SPIRE1: variants seen among roughly 807,000 people sequenced by gnomAD.
SPIRE1 encodes the protein protein spire homolog 1.
In SPIRE1, 40 loss-of-function variants were observed where a neutral mutation model predicts 94.1. The observed-to-expected ratio is 0.43, with a 90% CI of 0.33 to 0.55. The LOEUF (loss-of-function observed/expected upper bound fraction) is 0.55. Ranked by LOEUF, SPIRE1 falls within the 20% of genes least tolerant of loss-of-function variation. The pLI is 0.06. For synonymous variants in SPIRE1, 376 were observed against 371.7 expected, an observed-to-expected ratio of 1.01 and a Z score of -0.13; for missense variants, 838 against 975.2, an observed-to-expected ratio of 0.86 and a Z score of 1.87.
At chr18:12,459,976 G>A in intron 12 of SPIRE1, 1 of 922,870 alleles carries the variant, frequency 1.1e-6, no homozygotes, top group Non-Finnish European at 1.3e-6. Context: ...GAAAAGAAAA[G>A]GAGAAAATAA....
Position 12,657,575 on chromosome 18 carries a change from G to A in SPIRE1, c.292C>T (p.Leu98=). The A allele has an allele frequency of 8.1e-7, 1 of 1,241,116 alleles. No homozygotes were observed. The highest frequency in any genetic ancestry group is 1.0e-6 in the Non-Finnish European group (1 of 993,418). 76.9% of individuals were successfully genotyped at this position (1,241,116 alleles called of 1,614,324 possible). Residue 98 remains leucine (L), a synonymous_variant, in exon 1 of 17, where the codon CTG becomes TTG. Coordinates refer to ENST00000409402, the MANE Select transcript of SPIRE1 (RefSeq NM_001128626.2). ...IRVWRDGAVT[L]APAADDAGEP... ...CCCGCGTCGTCGGCCGCGGGCGCCAGGGTGACGGCGCCGTCCCTCCAGACG... is the reference window on the plus strand; with the variant it reads ...CCCGCGTCGTCGGCCGCGGGCGCCAAGGTGACGGCGCCGTCCCTCCAGACG...
intron 4 of SPIRE1, among the ~76,000 whole-genome samples, chr18:12,533,417 T>G (rs1429866060): frequency 6.6e-6 from 1 of 152,236 alleles, no homozygotes; most frequent in African/African-American, 2.4e-5. Flanking sequence ...CAAAAAATTT[T>G]TTTTTACATC....
chr18:12,536,629 C>A (rs1255166433), intron 3 of SPIRE1, among the ~76,000 whole-genome samples: 2 of 152,176 alleles, frequency 1.3e-5, no homozygotes, highest in Non-Finnish European at 2.9e-5. Flanking sequence ...GTGCTGCCTA[C>A]AGCCCTAATG....
intron 2 of SPIRE1, among the ~76,000 whole-genome samples, chr18:12,623,057 G>A (rs1598547184): frequency 6.6e-6 from 1 of 152,118 alleles, no homozygotes; most frequent in Non-Finnish European, 1.5e-5. Context: ...GAGATGCCGA[G>A]AAAAATACTC....
intron 2 of SPIRE1, 45 bp from the exon 3 acceptor site, chr18:12,546,949 T>C (rs997797294): frequency 1.5e-6 from 2 of 1,353,250 alleles, no homozygotes; most frequent in African/African-American, 2.9e-5. Context: ...AATGAAGAGC[T>C]TTCTAGGACT....
At chr18:12,633,737 T>A (rs2037843265) in intron 2 of SPIRE1, among the ~76,000 whole-genome samples, 1 of 152,194 alleles carries the variant, frequency 6.6e-6, no homozygotes, top group Non-Finnish European at 1.5e-5. Flanking sequence ...AGATGCATTA[T>A]AAAATTTGAA....
At chr18:12,583,659 C>T (rs1393845230) in intron 2 of SPIRE1, among the ~76,000 whole-genome samples, 1 of 151,888 alleles carries the variant, frequency 6.6e-6, no homozygotes, top group Non-Finnish European at 1.5e-5. Flanking sequence ...CCAGGTAGCT[C>T]ATGCTTGTAA....
intron 8 of SPIRE1, among the ~76,000 whole-genome samples, chr18:12,492,288 A>C (rs1039588642): frequency 2.0e-5 from 3 of 152,200 alleles, no homozygotes; most frequent in Non-Finnish European, 4.4e-5. Context: ...TTTCCTGTTA[A>C]GGTACCACTA....
intron 4 of SPIRE1, among the ~76,000 whole-genome samples, chr18:12,523,105 G>A (rs902559565): frequency 6.6e-6 from 1 of 152,166 alleles, no homozygotes; most frequent in African/African-American, 2.4e-5. Context: ...TTCATGAAAG[G>A]AGGTCAAAAT....
chr18:12,477,770 G>C (rs1269471819), intron 10 of SPIRE1, among the ~76,000 whole-genome samples: 2 of 152,166 alleles, frequency 1.3e-5, no homozygotes, highest in Non-Finnish European at 2.9e-5. Flanking sequence ...GCAGACCGCA[G>C]ACACAGCTAA....
At chr18:12,514,873 C>G (rs181465469) in intron 4 of SPIRE1, among the ~76,000 whole-genome samples, 1 of 152,022 alleles carries the variant, frequency 6.6e-6, no homozygotes, top group South Asian at 2.1e-4. Context: ...TTTCTAATAC[C>G]ATACAGAAGA....
At chr18:12,499,620 C>T (rs570103215) in intron 6 of SPIRE1, among the ~76,000 whole-genome samples, 59 of 151,942 alleles carry the variant, frequency 3.9e-4, no homozygotes, top group Middle Eastern at 6.8e-3. Context: ...AATATAAGAG[C>T]TAAAACTATT....
intron 2 of SPIRE1, among the ~76,000 whole-genome samples, chr18:12,549,446 T>G (rs1349035437): frequency 4.3e-5 from 4 of 92,348 alleles, no homozygotes; most frequent in Admixed American, 1.0e-4. Flanking sequence ...GTTGTTTTTT[T>G]TTTTTTTTTT....
Position 12,657,632 on chromosome 18 carries a change from G to C in SPIRE1, c.235C>G (p.Arg79Gly). 3 of 1,313,674 alleles carry C rather than the reference G, an allele frequency of 2.3e-6. No individual in the cohort carries two copies. The highest frequency in any genetic ancestry group is 2.9e-6 in the Non-Finnish European group (3 of 1,030,890). The allele number at this position is 1,313,674 out of a possible 1,614,324, so 81.4% of individuals were successfully genotyped here. A position where few individuals can be genotyped will look rare whatever the true frequency, so the allele number is the denominator to read the frequency against. Residue 79 changes from arginine to glycine, a missense_variant, in exon 1 of 17, where the codon CGC (arginine) becomes GGC (glycine). By Grantham distance (125) the Arg-to-Gly change is moderately radical. This residue lies in a region of SPIRE1 where 193 missense variants were observed against 170.5 expected (regional missense o/e 1.13). Transcript: ENST00000409402. ...LRAAARRRQP[R>G]HRVRSAAQIR... ...TGCGCGGCCGAGCGCACACGGTGGC[G>C]GGGCTGGCGGCGGCGGGCGGCGGCG...
intron 2 of SPIRE1, among the ~76,000 whole-genome samples, chr18:12,626,833 T>G (rs1390970228): frequency 6.7e-6 from 1 of 149,498 alleles, no homozygotes; most frequent in African/African-American, 2.4e-5. Context: ...TTAATTAATG[T>G]CTATAACAGT....
chr18:12,649,016 C>A (rs1431352134), intron 1 of SPIRE1, among the ~76,000 whole-genome samples: 1 of 151,572 alleles, frequency 6.6e-6, no homozygotes, highest in Non-Finnish European at 1.5e-5. Flanking sequence ...AAATATACCA[C>A]AAGAATATAA....
chr18:12,617,594 A>G (rs2037347948), intron 2 of SPIRE1, among the ~76,000 whole-genome samples: 1 of 152,060 alleles, frequency 6.6e-6, no homozygotes, highest in Non-Finnish European at 1.5e-5. Flanking sequence ...TATTTTTAGT[A>G]GAGACGGGGT....
intron 2 of SPIRE1, among the ~76,000 whole-genome samples, chr18:12,553,306 A>G (rs1338236419): frequency 6.6e-6 from 1 of 152,162 alleles, no homozygotes; most frequent in Non-Finnish European, 1.5e-5. Flanking sequence ...TGGCTCTAGG[A>G]CAGCATTTCC....
chr18:12,574,229 A>C (rs1372207915), intron 2 of SPIRE1, among the ~76,000 whole-genome samples: 1 of 152,230 alleles, frequency 6.6e-6, no homozygotes. Flanking sequence ...CTGCTCTAAA[A>C]AAAGTATTAA....
Sources: gnomAD v4.1 joint callset for allele counts (sites outside exome capture counted in the v4.1 genomes callset) on GRCh38, gnomAD v4.1.1 for gene constraint, gnomAD v4.1.1 regional missense constraint, MANE v1.5 for transcripts, NCBI Gene and HGNC (gene_info 2026-07-23, HGNC 2026-07-21) for gene names.